PPM1E: variants seen among roughly 807,000 people sequenced by gnomAD.
PPM1E encodes the protein protein phosphatase 1E.
In PPM1E, 20 loss-of-function variants were observed where a neutral mutation model predicts 65.9. The observed-to-expected ratio is 0.30, with a 90% CI of 0.21 to 0.44. PPM1E has a LOEUF of 0.44. Ranked by LOEUF, PPM1E falls within the 20% of genes least tolerant of loss-of-function variation. The pLI is 1.00. For synonymous variants in PPM1E, 352 were observed against 374.9 expected, an observed-to-expected ratio of 0.94 and a Z score of 0.70; for missense variants, 713 against 953.1, an observed-to-expected ratio of 0.75 and a Z score of 3.32.
intron 1 of PPM1E, among the ~76,000 whole-genome samples, chr17:58,782,811 G>C (rs2050063598): frequency 6.6e-6 from 1 of 152,012 alleles, no homozygotes; most frequent in Non-Finnish European, 1.5e-5. Flanking sequence ...TAACAGATGT[G>C]AGGAATATAT....
intron 6 of PPM1E, among the ~76,000 whole-genome samples, chr17:58,975,596 A>G (rs1312125053): frequency 6.6e-6 from 1 of 152,234 alleles, no homozygotes; most frequent in Non-Finnish European, 1.5e-5. Context: ...GTAGAGGGAA[A>G]TATAAATACA....
intron 1 of PPM1E, among the ~76,000 whole-genome samples, chr17:58,881,716 C>T (rs565841287): frequency 3.2e-4 from 49 of 151,838 alleles, no homozygotes; most frequent in Admixed American, 9.2e-4. Context: ...TGATAGTGTG[C>T]ACCTGTAGTC....
Position 58,831,368 on chromosome 17 carries a change from G to C in PPM1E, c.464+74907G>C, listed in dbSNP as rs187657541. Among the ~76,000 whole-genome samples the C allele has an allele frequency of 1.0e-3, 155 of 152,280 alleles. 1 individual carries two copies. The highest frequency in any genetic ancestry group is 6.6e-3 in the Admixed American group (101 of 15,294). On this transcript the variant is annotated intron_variant, in intron 1 of 6. Transcript: ENST00000308249. ...AGCCAGCATTTTGGGAACTGAGTAAGGGAATACACTTGTTTATATGTAACT... is the reference window on the plus strand; with the variant it reads ...AGCCAGCATTTTGGGAACTGAGTAACGGAATACACTTGTTTATATGTAACT...
At chr17:58,924,336 A>C (rs2143545868) in intron 1 of PPM1E, among the ~76,000 whole-genome samples, 1 of 152,240 alleles carries the variant, frequency 6.6e-6, no homozygotes, top group Non-Finnish European at 1.5e-5. Context: ...AAAATTAGGT[A>C]TACCAAATTT....
In PPM1E at chr17:58,981,142, T is replaced by C. The variant is rs2031336020; in HGVS notation, c.*111T>C. ...ATGTGCTTCATTATGAATCCATGGA[T>C]GGCTCAATTCTTAAATGTAAATAGA... is the stretch of plus-strand genomic sequence containing the variant. On this transcript the variant is annotated 3_prime_UTR_variant, in exon 7 of 7. Transcript: ENST00000308249. The C allele has an allele frequency of 2.7e-6, 2 of 733,960 alleles. No individual in the cohort carries two copies. Among genetic ancestry groups the C allele is most frequent in the Non-Finnish European group, 4.4e-6 (2 of 455,856 alleles). 45.5% of individuals were successfully genotyped at this position (733,960 alleles called of 1,614,324 possible). A position where few individuals can be genotyped will look rare whatever the true frequency, so the allele number is the denominator to read the frequency against.
chr17:58,879,622 C>T (rs1309235595), intron 1 of PPM1E, among the ~76,000 whole-genome samples: 1 of 149,752 alleles, frequency 6.7e-6, no homozygotes. Context: ...CATTCTCCTG[C>T]CTCCGCCTCC....
At chr17:58,788,724 A>G (rs1192044939) in intron 1 of PPM1E, among the ~76,000 whole-genome samples, 1 of 152,226 alleles carries the variant, frequency 6.6e-6, no homozygotes, top group African/African-American at 2.4e-5. Context: ...TCAGTGCAGA[A>G]TTTAAAGACT....
intron 1 of PPM1E, among the ~76,000 whole-genome samples, chr17:58,789,243 G>C (rs570677061): frequency 6.6e-6 from 1 of 152,152 alleles, no homozygotes; most frequent in Non-Finnish European, 1.5e-5. Flanking sequence ...TTTCATTTCA[G>C]TATATCCAAT....
intron 1 of PPM1E, among the ~76,000 whole-genome samples, chr17:58,931,615 TATGAG>T (rs1315268472): frequency 6.6e-6 from 1 of 151,940 alleles, no homozygotes; most frequent in Non-Finnish European, 1.5e-5. Flanking sequence ...GAAAAAAACA[TATGAG>T]AGGGAGAAAG....
At chr17:58,831,834 C>A (rs1045542045) in intron 1 of PPM1E, among the ~76,000 whole-genome samples, 7 of 152,124 alleles carry the variant, frequency 4.6e-5, no homozygotes, top group Admixed American at 3.3e-4. Flanking sequence ...TCTTCCATGT[C>A]TTTCTGTTAT....
intron 1 of PPM1E, among the ~76,000 whole-genome samples, chr17:58,928,622 C>G (rs2051853310): frequency 6.6e-6 from 1 of 151,876 alleles, no homozygotes; most frequent in Admixed American, 6.6e-5. Flanking sequence ...ATGTACCTTC[C>G]CTGTGACCCA....
In PPM1E at chr17:58,756,030, C is replaced by T. The variant is rs1225515666; in HGVS notation, c.33C>T (p.Tyr11=). 10 of 1,614,036 alleles carry T rather than the reference C, an allele frequency of 6.2e-6. No individual in the cohort carries two copies. Among genetic ancestry groups the T allele is most frequent in the Non-Finnish European group, 7.6e-6 (9 of 1,179,928 alleles). The change falls in exon 1 of 7, where the codon TAC becomes TAT. Residue 11 remains tyrosine, a synonymous_variant. Coordinates refer to ENST00000308249, the MANE Select transcript of PPM1E (RefSeq NM_014906.5). MAGCIPEEKT[Y]RRFLELFLGE... ...GCTGCATCCCTGAGGAGAAAACTTA[C>T]CGGCGCTTCCTGGAGCTATTCCTGG...
chr17:58,857,163 T>C (rs993127554), intron 1 of PPM1E, among the ~76,000 whole-genome samples: 3 of 152,130 alleles, frequency 2.0e-5, no homozygotes, highest in African/African-American at 7.2e-5. Flanking sequence ...TTCCTAAAAA[T>C]AGGGACATGC....
At chr17:58,778,130 T>G (rs2050011359) in intron 1 of PPM1E, among the ~76,000 whole-genome samples, 2 of 151,934 alleles carry the variant, frequency 1.3e-5, no homozygotes, top group Admixed American at 1.3e-4. Context: ...GATGGAGTCT[T>G]GCTCTGTTGC....
intron 3 of PPM1E, among the ~76,000 whole-genome samples, chr17:58,968,518 C>T (rs1408385890): frequency 2.6e-5 from 4 of 152,134 alleles, no homozygotes; most frequent in Non-Finnish European, 5.9e-5. Flanking sequence ...GCAACTCGTC[C>T]CTGCCTAACA....
chr17:58,819,373 G>T (rs1037690704), intron 1 of PPM1E, among the ~76,000 whole-genome samples: 1 of 152,024 alleles, frequency 6.6e-6, no homozygotes, highest in Non-Finnish European at 1.5e-5. Flanking sequence ...GGTCTTGAAC[G>T]CCTGACCTCA....
chr17:58,931,066 T>TAAAAAAAAAAAAAA (rs774968022), intron 1 of PPM1E, among the ~76,000 whole-genome samples: 5 of 83,144 alleles, frequency 6.0e-5, no homozygotes, highest in Admixed American at 3.0e-4. Context: ...ATACAAAAAT[T>TAAAAAAAAAAAAAA]AAAAAAAAAA....
chr17:58,857,807 TA>T (rs911963952), intron 1 of PPM1E, among the ~76,000 whole-genome samples: 2 of 152,106 alleles, frequency 1.3e-5, no homozygotes, highest in Admixed American at 6.5e-5. Flanking sequence ...ACCTATGGTT[TA>T]AAAAAATTAA....
chr17:58,899,587 A>G (rs2051472328), intron 1 of PPM1E: 2 of 221,810 alleles, frequency 9.0e-6, no homozygotes, highest in East Asian at 2.1e-4. Context: ...CAGAGGGGGG[A>G]AAACCCTGTA....
Sources: allele counts gnomAD v4.1 joint callset (sites outside exome capture counted in the v4.1 genomes callset), GRCh38; gene constraint gnomAD v4.1.1; transcripts MANE v1.5; gene names NCBI Gene and HGNC (gene_info 2026-07-23, HGNC 2026-07-21).